RYR2: variants seen among roughly 807,000 people sequenced by gnomAD.
The protein encoded by RYR2 is ryanodine receptor 2.
A neutral mutation model predicts 601.1 loss-of-function variants in RYR2; 227 were observed. That is an observed-to-expected ratio of 0.38 (90% CI 0.34 to 0.42). The LOEUF (loss-of-function observed/expected upper bound fraction) is 0.42. Among genes scored for constraint, RYR2 ranks in the 10% least tolerant of loss-of-function variants. The probability of loss-of-function intolerance (pLI) is 1.00; values close to 1 mark genes in which losing one functional copy is unlikely to be tolerated. For missense variants in RYR2, 4,646 were observed against 6,156.5 expected, an observed-to-expected ratio of 0.75 and a Z score of 8.21; for synonymous variants, 2,223 against 2,175.1, an observed-to-expected ratio of 1.02 and a Z score of -0.61.
chr1:237,190,577 A>G (rs2148995493), intron 1 of RYR2, among the ~76,000 whole-genome samples: 1 of 152,304 alleles, frequency 6.6e-6, no homozygotes, highest in African/African-American at 2.4e-5. Context: ...ACTATTTGGG[A>G]AAAAAACCAA....
At position 237,576,067 on chromosome 1, in the gene RYR2, A is replaced by G. The variant is rs145092472; in HGVS notation, c.3598+6748A>G. On this transcript the variant is annotated intron_variant, in intron 29 of 104. Coordinates refer to ENST00000366574, the MANE Select transcript of RYR2 (RefSeq NM_001035.3). ...ATATAATACCTTTACTGAGAAAATT[A>G]TTAAAACTTATTGAGAGATGGTTGA... 3.5e-3 allele frequency among the ~76,000 whole-genome samples: 533 copies of G among 152,328 alleles called. 1 individual carries two copies. Among genetic ancestry groups the G allele is most frequent in the African/African-American group, 0.012 (497 of 41,588 alleles).
chr1:237,244,539 T>C (rs1483185206), intron 1 of RYR2, among the ~76,000 whole-genome samples: 1 of 152,114 alleles, frequency 6.6e-6, no homozygotes, highest in Non-Finnish European at 1.5e-5. Flanking sequence ...CTGCAAGCTA[T>C]GTAAAGGTCA....
chr1:237,698,002 A>G (rs1687642076), intron 63 of RYR2, among the ~76,000 whole-genome samples: 1 of 152,020 alleles, frequency 6.6e-6, no homozygotes. Context: ...TACTTAGGTC[A>G]TTCATTTTAG....
chr1:237,109,893 G>C (rs1185066944), intron 1 of RYR2, among the ~76,000 whole-genome samples: 1 of 151,946 alleles, frequency 6.6e-6, no homozygotes, highest in African/African-American at 2.4e-5. Context: ...CGTATGACCT[G>C]GCTTTGTGCA....
intron 91 of RYR2, among the ~76,000 whole-genome samples, chr1:237,787,355 C>T (rs978530367): frequency 2.6e-5 from 4 of 151,574 alleles, no homozygotes; most frequent in South Asian, 4.2e-4. Context: ...TTTGGGAGGC[C>T]GAGGCGGGCG....
intron 84 of RYR2, among the ~76,000 whole-genome samples, chr1:237,768,202 A>G (rs946112794): frequency 2.0e-5 from 3 of 152,242 alleles, no homozygotes; most frequent in Admixed American, 6.5e-5. Flanking sequence ...ATCCATGAAG[A>G]TGGTGTTCAG....
intron 60 of RYR2, among the ~76,000 whole-genome samples, chr1:237,675,985 A>G (rs1685361837): frequency 6.6e-6 from 1 of 152,182 alleles, no homozygotes; most frequent in Non-Finnish European, 1.5e-5. Flanking sequence ...CAATTTTTAA[A>G]AATATGATTC....
At chr1:237,770,757 C>T (rs1034586279) in intron 84 of RYR2, 50 bp from the exon 85 acceptor site, 39 of 1,184,194 alleles carry the variant, frequency 3.3e-5, no homozygotes, top group African/African-American at 1.4e-4. Context: ...AGAAAGGGAG[C>T]GGCAGGCTGG....
chr1:237,285,212 TG>T (rs1691418414), intron 2 of RYR2, among the ~76,000 whole-genome samples: 1 of 152,182 alleles, frequency 6.6e-6, no homozygotes, highest in Non-Finnish European at 1.5e-5. Flanking sequence ...CCTTGTATGC[TG>T]ATTTTGCTGA....
chr1:237,192,597 C>A (rs1484956466), intron 1 of RYR2, among the ~76,000 whole-genome samples: 1 of 152,202 alleles, frequency 6.6e-6, no homozygotes, highest in Non-Finnish European at 1.5e-5. Context: ...ACCACACATT[C>A]TACTAGTAGG....
chr1:237,645,368 A>G (rs1387440183), intron 48 of RYR2, among the ~76,000 whole-genome samples: 3 of 152,174 alleles, frequency 2.0e-5, no homozygotes, highest in African/African-American at 7.2e-5. Context: ...CTCCTTGTGC[A>G]TCTGTAGCTC....
chr1:237,204,321 A>G (rs1239574566), intron 1 of RYR2, among the ~76,000 whole-genome samples: 3 of 152,096 alleles, frequency 2.0e-5, no homozygotes, highest in African/African-American at 4.8e-5. Flanking sequence ...TGTCTTTGTT[A>G]TATCAGTAGT....
chr1:237,081,280 TAAAAAAAAAAAAA>T (rs397815900), intron 1 of RYR2, among the ~76,000 whole-genome samples: 1 of 56,262 alleles, frequency 1.8e-5, no homozygotes, highest in African/African-American at 4.7e-5. Flanking sequence ...TAGAGTATAA[TAAAAAAAAAAAAA>T]AAAAAAAAAA....
rs887194766 is a variant in RYR2 at position 237,667,936 on chromosome 1, G to A, written c.8568G>A (p.Lys2856=). The change falls in exon 58 of 105, where the codon AAG becomes AAA. Residue 2856 remains lysine, a synonymous_variant. Transcript: ENST00000366574. ...ENYHNIWAKK[K]KMELESKGGG... is the part of the protein sequence containing the mutation. ...ACCATAATATATGGGCAAAGAAAAAGAAAATGGAGTTGGAGTCCAAAGGTA... is the reference window on the plus strand; with the variant it reads ...ACCATAATATATGGGCAAAGAAAAAAAAAATGGAGTTGGAGTCCAAAGGTA... 3 of 1,580,970 alleles carry A rather than the reference G, an allele frequency of 1.9e-6. No individual in the cohort carries two copies. The African/African-American group carries it at 4.1e-5, about 21-fold the overall frequency.
chr1:237,500,078 A>T (rs376161849), intron 20 of RYR2, among the ~76,000 whole-genome samples: 1 of 152,188 alleles, frequency 6.6e-6, no homozygotes, highest in South Asian at 2.1e-4. Context: ...CTATAGGCCA[A>T]TTGGCCTATA....
At chr1:237,723,837 T>A (rs1689957787) in intron 74 of RYR2, among the ~76,000 whole-genome samples, 1 of 152,070 alleles carries the variant, frequency 6.6e-6, no homozygotes, top group South Asian at 2.1e-4. Context: ...GTGTCCTACT[T>A]TACACTACAA....
At chr1:237,714,713 G>A (rs977590028) in intron 71 of RYR2, among the ~76,000 whole-genome samples, 8 of 152,040 alleles carry the variant, frequency 5.3e-5, no homozygotes, top group African/African-American at 1.7e-4. Context: ...TCAAGTGGCT[G>A]GGTGCGGTGG....
intron 2 of RYR2, among the ~76,000 whole-genome samples, chr1:237,275,546 A>G (rs1034252737): frequency 3.3e-5 from 5 of 152,098 alleles, no homozygotes; most frequent in South Asian, 2.1e-4. Context: ...AAGTAGTTTC[A>G]TGGCCCCAAT....
intron 14 of RYR2, among the ~76,000 whole-genome samples, chr1:237,452,635 G>A (rs907396240): frequency 6.0e-5 from 9 of 149,324 alleles, no homozygotes; most frequent in African/African-American, 2.2e-4. Context: ...GATGAGAGAG[G>A]GGAGGAACCT....
Sources: allele counts gnomAD v4.1 joint callset (sites outside exome capture counted in the v4.1 genomes callset), GRCh38; gene constraint gnomAD v4.1.1; transcripts MANE v1.5; gene names NCBI Gene and HGNC (gene_info 2026-07-23, HGNC 2026-07-21).